Variants in ARAP2 observed in about 807,000 individuals in gnomAD.
ARAP2 encodes ArfGAP with RhoGAP domain, ankyrin repeat and PH domain 2.
A neutral mutation model predicts 194.5 loss-of-function variants in ARAP2; 148 were observed. That is an observed-to-expected ratio of 0.76 (90% confidence interval 0.67 to 0.87). The LOEUF (loss-of-function observed/expected upper bound fraction) is 0.87, where lower values mean the gene tolerates loss of function less well. ARAP2 is among the 40% of genes least tolerant of loss of function. ARAP2 has a pLI of 0.00. For missense variants in ARAP2, 2,128 were observed against 1,989.7 expected (o/e 1.07, Z -1.32); for synonymous variants, 695 against 683.5 (o/e 1.02, Z -0.26).
intron 25 of ARAP2, among the ~76,000 whole-genome samples, chr4:36,116,187 A>ACTAAGTACTTC (rs1329880200): frequency 6.6e-6 from 1 of 151,976 alleles, no homozygotes; most frequent in Non-Finnish European, 1.5e-5. Flanking sequence ...TGTACTAAGT[A>ACTAAGTACTTC]ATGTACTTAA....
chr4:36,207,025 A>G (rs4256241), intron 6 of ARAP2, among the ~76,000 whole-genome samples: 138,943 of 152,286 alleles, frequency 0.91, 63,434 homozygotes, highest in East Asian at 1. Context: ...AAATTCAAAA[A>G]GGTTTCCTTA....
At chr4:36,058,808 T>C (rs961247903) in intron 1 of ARAP2, among the ~76,000 whole-genome samples, 1 of 152,002 alleles carries the variant, frequency 6.6e-6, no homozygotes, top group Non-Finnish European at 1.5e-5. Flanking sequence ...ATCATTAAAA[T>C]ATATACTAAT....
chr4:36,037,282 A>G lies in ARAP2; in HGVS notation n.607+8697T>C, dbSNP rs115732045. ...CCTGGCAGGCAGTCAGCAGCCTTGTAAATATCTATTTACCTTATTCATTTC... is the reference window on the plus strand; with the variant it reads ...CCTGGCAGGCAGTCAGCAGCCTTGTGAATATCTATTTACCTTATTCATTTC... On this transcript the variant is annotated intron_variant and non_coding_transcript_variant, in intron 5 of 12. Transcript: ENST00000503225. Among the ~76,000 whole-genome samples, 1,221 of 152,272 alleles carry G rather than the reference A, an allele frequency of 8.0e-3. 21 individuals carry two copies. The highest frequency in any genetic ancestry group is 0.028 in the African/African-American group (1,162 of 41,560).
intron 31 of ARAP2, among the ~76,000 whole-genome samples, chr4:36,075,688 A>T (rs987165783): frequency 1.3e-5 from 2 of 152,056 alleles, no homozygotes; most frequent in African/African-American, 4.8e-5. Flanking sequence ...TTCAAGTTCA[A>T]ATTTTATCTG....
At chr4:36,119,513 A>C in intron 24 of ARAP2, 137 bp downstream of exon 24, 1 of 516,438 alleles carries the variant, frequency 1.9e-6, no homozygotes, top group Non-Finnish European at 3.3e-6. Context: ...TTACACAACC[A>C]ATTAGTTTTT....
intron 30 of ARAP2, among the ~76,000 whole-genome samples, chr4:36,080,962 C>A (rs1729396025): frequency 6.6e-6 from 1 of 151,972 alleles, no homozygotes; most frequent in South Asian, 2.1e-4. Flanking sequence ...GAGGGTTGTT[C>A]TTTATAAGAG....
intron 26 of ARAP2, 91 bp downstream of exon 26, chr4:36,114,076 ATGT>A (rs1720712545): frequency 1.1e-6 from 1 of 916,454 alleles, no homozygotes; most frequent in Non-Finnish European, 1.7e-6. Context: ...TCATAACAAG[ATGT>A]TAAGACATAA....
chr4:36,128,505 T>TAC, intron 21 of ARAP2, 28 bp downstream of exon 21: 1 of 1,227,846 alleles, frequency 8.1e-7, no homozygotes, highest in Admixed American at 1.9e-5. Context: ...CACACACACA[T>TAC]ATCTACAAAT....
chr4:36,210,727 T>G lies in ARAP2; in HGVS notation c.1150A>C (p.Lys384Gln). ...ACCTTGTCCTCGCTTATTTTCTCCTTTCTGTTATCGTATATGCTAAACGGA... is the reference window on the plus strand; with the variant it reads ...ACCTTGTCCTCGCTTATTTTCTCCTGTCTGTTATCGTATATGCTAAACGGA... ...IIKSSIYDNR[K>Q]EKISEDKVED... The change falls in exon 6 of 33, where the codon AAG (lysine) becomes CAG (glutamine). Residue 384 changes from lysine to glutamine, a missense_variant. Transcript: ENST00000303965. 6.2e-7 allele frequency: 1 copy of G among 1,601,476 alleles called. No homozygotes were observed.
intron 5 of ARAP2, among the ~76,000 whole-genome samples, chr4:36,020,707 A>T (rs1455794546): frequency 1.3e-5 from 2 of 152,214 alleles, no homozygotes; most frequent in African/African-American, 4.8e-5. Context: ...GAAACAGTGG[A>T]TAAGTCGAGA....
chr4:36,031,421 T>C (rs1718929114), intron 5 of ARAP2, among the ~76,000 whole-genome samples: 1 of 152,200 alleles, frequency 6.6e-6, no homozygotes, highest in Admixed American at 6.5e-5. Context: ...ACTCCTCTTT[T>C]ACTGAACTGG....
chr4:36,025,064 T>C (rs1717663485), intron 5 of ARAP2, among the ~76,000 whole-genome samples: 1 of 152,118 alleles, frequency 6.6e-6, no homozygotes, highest in African/African-American at 2.4e-5. Context: ...AATCACATAT[T>C]CAACTTTGGC....
chr4:36,161,696 C>A, intron 11 of ARAP2, 146 bp from the exon 12 acceptor site: 5 of 477,236 alleles, frequency 1.0e-5, no homozygotes, highest in Non-Finnish European at 1.9e-5. Context: ...TCCTCAATAA[C>A]AAGATGACAA....
intron 4 of ARAP2, among the ~76,000 whole-genome samples, chr4:36,212,979 G>C (rs774521549): frequency 6.6e-6 from 1 of 151,956 alleles, no homozygotes; most frequent in Admixed American, 6.6e-5. Context: ...TTTGTCTTTT[G>C]TTTAATTAAC....
At chr4:36,208,628 A>G (rs1306182927) in intron 6 of ARAP2, among the ~76,000 whole-genome samples, 1 of 152,184 alleles carries the variant, frequency 6.6e-6, no homozygotes, top group African/African-American at 2.4e-5. Flanking sequence ...AACCCTCACA[A>G]TAGCCTACAG....
intron 28 of ARAP2, among the ~76,000 whole-genome samples, chr4:36,090,473 T>C (rs776464114): frequency 5.9e-5 from 9 of 152,002 alleles, no homozygotes; most frequent in African/African-American, 9.7e-5. Context: ...CAGTCCAATA[T>C]CCTTGATGAA....
downstream of ARAP2, among the ~76,000 whole-genome samples, chr4:36,064,391 G>C (rs1444427556): frequency 6.6e-6 from 1 of 152,132 alleles, no homozygotes; most frequent in Non-Finnish European, 1.5e-5. Flanking sequence ...GGGGAGGGGA[G>C]AACCAAGTGG....
intron 6 of ARAP2, among the ~76,000 whole-genome samples, chr4:36,017,599 A>G (rs564553403): frequency 2.8e-3 from 371 of 131,740 alleles, no homozygotes; most frequent in African/African-American, 0.01. Context: ...CTTTCTGTGG[A>G]ATCTTCCAGG....
chr4:36,151,624 G>C (rs1730994597), intron 15 of ARAP2, among the ~76,000 whole-genome samples: 2 of 152,114 alleles, frequency 1.3e-5, no homozygotes, highest in African/African-American at 4.8e-5. Context: ...GATAATTTCT[G>C]AAGCTGGATT....
Sources: allele counts gnomAD v4.1 joint callset (sites outside exome capture counted in the v4.1 genomes callset), GRCh38; gene constraint gnomAD v4.1.1; transcripts MANE v1.5; gene names NCBI Gene and HGNC (gene_info 2026-07-23, HGNC 2026-07-21).